The following ACTR3C variants were observed in gnomAD, a reference collection of about 807,000 sequenced individuals.
ACTR3C encodes actin-related protein 3C.
In ACTR3C, 18 loss-of-function variants were observed where a neutral mutation model predicts 26.3. The ratio of observed to expected loss-of-function variants is 0.68; its 90% CI spans 0.47 to 1.01. ACTR3C has a LOEUF of 1.01. ACTR3C is among the 50% of genes least tolerant of loss of function. ACTR3C has a pLI of 0.00. For synonymous variants in ACTR3C, 55 were observed against 94.5 expected (o/e 0.58, Z 2.42); for missense variants, 184 against 250.7 (o/e 0.73, Z 1.80).
At chr7:150,119,382 G>C in the ACTR3C span, among the ~76,000 whole-genome samples, 1 of 152,170 alleles carries the variant, frequency 6.6e-6, no homozygotes, top group Non-Finnish European at 1.5e-5. Flanking sequence ...AAAATAAAGG[G>C]ATGGAGGAAA....
chr7:149,948,863 C>G, the ACTR3C span, among the ~76,000 whole-genome samples: 744 of 151,992 alleles, frequency 4.9e-3, 10 homozygotes, highest in Admixed American at 0.043. Context: ...CGGACGTGAT[C>G]CACCTGGGAC....
the ACTR3C span, among the ~76,000 whole-genome samples, chr7:150,113,098 C>T: frequency 1.3e-5 from 2 of 152,116 alleles, no homozygotes; most frequent in African/African-American, 4.8e-5. Flanking sequence ...TCCTCCCCAG[C>T]TGCAGCACCC....
the ACTR3C span, among the ~76,000 whole-genome samples, chr7:150,068,980 C>A: frequency 6.6e-6 from 1 of 152,124 alleles, no homozygotes; most frequent in Non-Finnish European, 1.5e-5. Context: ...GGTCGTGCCC[C>A]TGAATGACTC....
the ACTR3C span, among the ~76,000 whole-genome samples, chr7:150,144,811 G>A: frequency 1.1e-4 from 16 of 152,246 alleles, no homozygotes; most frequent in East Asian, 2.7e-3. The surrounding 1 kb of genome is among the most constrained non-coding windows in gnomAD (Gnocchi z 4.6). Context: ...ACTGTGGGAG[G>A]CCGAGGTGGG....
chr7:149,929,505 C>CGTAAAATA, the ACTR3C span, among the ~76,000 whole-genome samples: 1 of 142,078 alleles, frequency 7.0e-6, no homozygotes, highest in Non-Finnish European at 1.5e-5. Flanking sequence ...AGAGTACTTA[C>CGTAAAATA]GTAAAATATT....
the ACTR3C span, among the ~76,000 whole-genome samples, chr7:149,930,418 T>G: frequency 6.6e-6 from 1 of 152,208 alleles, no homozygotes; most frequent in South Asian, 2.1e-4. Flanking sequence ...AAAGCAAATG[T>G]TAACAGTTGG....
At chr7:150,037,698 T>A in the ACTR3C span, among the ~76,000 whole-genome samples, 6 of 91,162 alleles carry the variant, frequency 6.6e-5, no homozygotes, top group East Asian at 1.7e-3. Context: ...GATCTTAGGA[T>A]CAATGATGGG....
the ACTR3C span, among the ~76,000 whole-genome samples, chr7:150,116,770 T>A: frequency 3.3e-5 from 5 of 152,108 alleles, no homozygotes; most frequent in African/African-American, 1.2e-4. Flanking sequence ...ATAAACAGTA[T>A]CTGTAAGGAG....
the ACTR3C span, among the ~76,000 whole-genome samples, chr7:150,115,192 T>A: frequency 3.3e-5 from 5 of 152,348 alleles, no homozygotes; most frequent in South Asian, 1.0e-3. Flanking sequence ...TGCCTGTCAA[T>A]ATAATCTACT....
chr7:150,035,750 G>C, the ACTR3C span, among the ~76,000 whole-genome samples: 1 of 140,168 alleles, frequency 7.1e-6, no homozygotes, highest in African/African-American at 2.6e-5. Flanking sequence ...CCCGCCTCGC[G>C]GGGGGTGCGT....
chr7:149,911,805 C>T, the ACTR3C span, among the ~76,000 whole-genome samples: 1 of 151,900 alleles, frequency 6.6e-6, no homozygotes, highest in Non-Finnish European at 1.5e-5. Context: ...ACTTTGGCAC[C>T]ACACTGAGTT....
chr7:150,080,120 A>G, the ACTR3C span, among the ~76,000 whole-genome samples: 2 of 152,134 alleles, frequency 1.3e-5, no homozygotes, highest in South Asian at 2.1e-4. Flanking sequence ...GCTCTGGATC[A>G]GAACCAGAAG....
At chr7:149,942,412 T>A in the ACTR3C span, among the ~76,000 whole-genome samples, 1 of 151,990 alleles carries the variant, frequency 6.6e-6, no homozygotes, top group Non-Finnish European at 1.5e-5. Flanking sequence ...TGGTGGGCTG[T>A]TTTTTCTGTT....
At chr7:150,146,308 G>A in the ACTR3C span, among the ~76,000 whole-genome samples, 4 of 152,124 alleles carry the variant, frequency 2.6e-5, no homozygotes, top group African/African-American at 9.7e-5. Flanking sequence ...AGCTCTGTAC[G>A]CCCAGGAAGC....
the ACTR3C span, among the ~76,000 whole-genome samples, chr7:149,925,219 G>A: frequency 6.6e-6 from 1 of 152,000 alleles, no homozygotes; most frequent in Non-Finnish European, 1.5e-5. Flanking sequence ...AAATAGAATT[G>A]AACTAATGGA....
the ACTR3C span, among the ~76,000 whole-genome samples, chr7:149,942,213 T>C: frequency 0.036 from 5,483 of 152,280 alleles, 336 homozygotes; most frequent in African/African-American, 0.13. Context: ...TCTATGGCCA[T>C]TTCTTAGGAG....
the ACTR3C span, among the ~76,000 whole-genome samples, chr7:149,973,268 T>C: frequency 1.3e-5 from 2 of 152,194 alleles, no homozygotes; most frequent in Admixed American, 1.3e-4. Flanking sequence ...ACCCTGATGT[T>C]TGCAGCCCTG....
the ACTR3C span, among the ~76,000 whole-genome samples, chr7:149,938,515 TAGAC>T: frequency 3.3e-5 from 5 of 151,710 alleles, no homozygotes; most frequent in Admixed American, 6.6e-5. Flanking sequence ...TTACAGCCAA[TAGAC>T]AGGCTGAAAA....
chr7:150,006,799 A>G, the ACTR3C span, among the ~76,000 whole-genome samples: 1 of 152,206 alleles, frequency 6.6e-6, no homozygotes. Context: ...AGGGGTCTGT[A>G]TTTAAAATGA....
Sources: gnomAD v4.1 joint callset for allele counts (sites outside exome capture counted in the v4.1 genomes callset) on GRCh38, gnomAD v4.1.1 for gene constraint, Gnocchi (gnomAD v3.1) non-coding constraint, MANE v1.5 for transcripts, NCBI Gene and HGNC (gene_info 2026-07-23, HGNC 2026-07-21) for gene names.